The following IQSEC3 variants were observed in gnomAD, a reference collection of about 807,000 sequenced individuals.
IQSEC3 encodes the protein IQ motif and Sec7 domain ArfGEF 3, also known as IQ motif and SEC7 domain-containing protein 3.
Under a neutral mutation model 105.4 loss-of-function variants are expected in IQSEC3, and 50 were observed. That is an observed-to-expected ratio of 0.47 (90% CI 0.38 to 0.60). IQSEC3 has a LOEUF of 0.60. Ranked by LOEUF, IQSEC3 falls within the 20% of genes least tolerant of loss-of-function variation. The pLI, the probability that IQSEC3 is intolerant of heterozygous loss-of-function variation, is 0.00. For missense variants in IQSEC3, 1,415 were observed against 1,630.0 expected, an observed-to-expected ratio of 0.87 and a Z score of 2.27; for synonymous variants, 708 against 746.0, an observed-to-expected ratio of 0.95 and a Z score of 0.83.
At chr12:162,612 CAG>C (rs1195690939) in intron 8 of IQSEC3, among the ~76,000 whole-genome samples, 1 of 152,174 alleles carries the variant, frequency 6.6e-6, no homozygotes, top group African/African-American at 2.4e-5. Flanking sequence ...ATTCTTGCCT[CAG>C]GGGACGGTGT....
At position 170,521 on chromosome 12, in the gene IQSEC3, G is replaced by A. The variant is rs1219482407; in HGVS notation, c.3065-591G>A. On this transcript the variant is annotated intron_variant, in intron 12 of 13. Transcript: ENST00000538872. Reference sequence around the variant, plus strand: ...GGAAATGAGAGGGGCTCCTGCGGGGGTCGGGGTGGAAGCTGGGAGTGACTC... The same window carrying A: ...GGAAATGAGAGGGGCTCCTGCGGGGATCGGGGTGGAAGCTGGGAGTGACTC... Among the ~76,000 whole-genome samples, 4 of 152,352 alleles carry A rather than the reference G, an allele frequency of 2.6e-5. No individual in the cohort carries two copies. In the East Asian group the frequency reaches 7.7e-4, roughly 29 times the overall value.
intron 6 of IQSEC3, 32 bp from the exon 7 acceptor site, chr12:157,496 C>T (rs1555094743): frequency 1.3e-6 from 2 of 1,592,218 alleles, no homozygotes; most frequent in Non-Finnish European, 1.7e-6. Flanking sequence ...GGCGGGGGCT[C>T]AGCGTCCGCT....
chr12:80,263 C>T (rs1181900773), intron 1 of IQSEC3, among the ~76,000 whole-genome samples: 1 of 152,176 alleles, frequency 6.6e-6, no homozygotes, highest in East Asian at 1.9e-4. Flanking sequence ...CTGAAAACTC[C>T]AGCTTGGTTC....
chr12:80,547 G>A (rs1555070469), intron 1 of IQSEC3, among the ~76,000 whole-genome samples: 1 of 152,126 alleles, frequency 6.6e-6, no homozygotes, highest in Non-Finnish European at 1.5e-5. Context: ...TCTTCTTTCT[G>A]TAAGTATATA....
intron 12 of IQSEC3, 45 bp downstream of exon 12, chr12:169,150 C>T: frequency 6.5e-7 from 1 of 1,530,122 alleles, no homozygotes. Flanking sequence ...ATGGAGGCCA[C>T]TCGGGGACCC....
intron 5 of IQSEC3, among the ~76,000 whole-genome samples, chr12:150,280 C>T (rs116592053): frequency 2.2e-4 from 33 of 152,122 alleles, no homozygotes; most frequent in Non-Finnish European, 4.4e-4. Flanking sequence ...CAAATAAACA[C>T]GTACAGATTT....
rs2137040700 is a variant in IQSEC3 at position 157,556 on chromosome 12, G to A, written c.2305G>A (p.Val769Met). 1 of 1,614,100 alleles carries A rather than the reference G, an allele frequency of 6.2e-7. No individual in the cohort carries two copies. The highest frequency in any genetic ancestry group is 2.2e-5 in the East Asian group (1 of 44,876). ...SQRYCMCNPE[V>M]VQQFHNPDTI... ...GCGCTACTGCATGTGCAACCCCGAAGTGGTTCAGCAGTTCCACAACCCCGA... is the reference window on the plus strand; with the variant it reads ...GCGCTACTGCATGTGCAACCCCGAAATGGTTCAGCAGTTCCACAACCCCGA... The change falls in exon 7 of 14, where the codon GTG becomes ATG. Residue 769 changes from valine to methionine, a missense_variant. By Grantham distance (21) the Val-to-Met change is conservative. Coordinates refer to ENST00000538872, the MANE Select transcript of IQSEC3 (RefSeq NM_001170738.2).
intron 5 of IQSEC3, among the ~76,000 whole-genome samples, chr12:154,712 T>TCTTCCTCTTCCCCTCCTGTCC (rs1348090858): frequency 2.6e-5 from 4 of 152,106 alleles, no homozygotes; most frequent in African/African-American, 9.7e-5. Flanking sequence ...TTCTTCTGTC[T>TCTTCCTCTTCCCCTCCTGTCC]CTTCCTCTTC....
At chr12:141,766 ATAC>A (rs1391416794) in intron 5 of IQSEC3, 1 of 157,634 alleles carries the variant, frequency 6.3e-6, no homozygotes, top group Admixed American at 6.5e-5. Context: ...GAGCAAGAAA[ATAC>A]TACAATTCCA....
intron 9 of IQSEC3, chr12:165,200 C>T (rs1329605026): frequency 1.6e-5 from 9 of 561,158 alleles, no homozygotes; most frequent in African/African-American, 1.5e-4. Context: ...TACAGGCCAG[C>T]TCAGGCGCCG....
chr12:97,739 A>G (rs1408517788), intron 1 of IQSEC3, among the ~76,000 whole-genome samples: 2 of 152,220 alleles, frequency 1.3e-5, no homozygotes. Flanking sequence ...CCAAGGTTAC[A>G]GTGAGCTATG....
chr12:117,221 G>A (rs1865077094), intron 2 of IQSEC3, among the ~76,000 whole-genome samples: 1 of 152,148 alleles, frequency 6.6e-6, no homozygotes, highest in South Asian at 2.1e-4. Flanking sequence ...CGTGAAAGGT[G>A]AGAAAACCAA....
intron 11 of IQSEC3, 148 bp downstream of exon 11, chr12:166,038 A>G: frequency 1.2e-6 from 1 of 800,408 alleles, no homozygotes; most frequent in Non-Finnish European, 1.9e-6. Context: ...ACACTCCCAC[A>G]GCCCGGGTGG....
chr12:75,128 G>A (rs1863467875), intron 1 of IQSEC3, among the ~76,000 whole-genome samples: 1 of 152,274 alleles, frequency 6.6e-6, no homozygotes, highest in Admixed American at 6.5e-5. Context: ...TAGGAAGGGG[G>A]ACAAATCAAC....
chr12:66,963 C>A lies in IQSEC3; in HGVS notation c.81C>A (p.Ser27Arg). The change falls in exon 1 of 14, where the codon AGC becomes AGA. Residue 27 changes from serine (S) to arginine (R), a missense_variant. Coordinates refer to ENST00000538872, the MANE Select transcript of IQSEC3 (RefSeq NM_001170738.2). ...CGGCCATCGTGCAGAACCAGCAGAGCCTCATCCACACCCAGCGAGAGCGTA... is the reference window on the plus strand; with the variant it reads ...CGGCCATCGTGCAGAACCAGCAGAGACTCATCCACACCCAGCGAGAGCGTA... ...ELTAIVQNQQ[S>R]LIHTQRERID... 1 of 1,532,374 alleles carries A rather than the reference C, an allele frequency of 6.5e-7. No homozygotes were observed. The allele number at this position is 1,532,374 out of a possible 1,614,324, so 94.9% of individuals were successfully genotyped here.
chr12:136,187 C>T (rs1025602168), intron 3 of IQSEC3, among the ~76,000 whole-genome samples: 2 of 152,184 alleles, frequency 1.3e-5, no homozygotes, highest in Non-Finnish European at 2.9e-5. Flanking sequence ...ACACATTAAT[C>T]TGCGTGAGTT....
rs1323106401 is a variant in IQSEC3, at chr12:138,536, C to T, written c.1173C>T (p.Phe391=). The change falls in exon 4 of 14, where the codon TTC becomes TTT. Residue 391 remains phenylalanine, a synonymous_variant. Coordinates refer to ENST00000538872, the MANE Select transcript of IQSEC3 (RefSeq NM_001170738.2). The surrounding 1 kb of genome is among the most constrained non-coding windows in gnomAD (Gnocchi z 7.1). ...LVRSPSLPPT[F]AGTLTELEDS... is the part of the protein sequence containing the mutation. ...GCTCGCCCTCCCTGCCGCCCACCTT[C>T]GCAGGCACCCTCACCGAGCTGGAGG... is the stretch of plus-strand genomic sequence containing the variant. 2.5e-6 allele frequency: 4 copies of T among 1,578,884 alleles called. No homozygotes were observed. The East Asian group carries it at 9.3e-5, about 37-fold the overall frequency.
chr12:101,825 CTAAGA>C (rs1450478960), intron 2 of IQSEC3, among the ~76,000 whole-genome samples: 3 of 152,280 alleles, frequency 2.0e-5, no homozygotes, highest in South Asian at 2.1e-4. Flanking sequence ...GAATTCTATG[CTAAGA>C]TAAGTTTTCC....
rs1003476027 is a variant in IQSEC3, at chr12:176,665, C to T, written c.*1632C>T. The T allele has an allele frequency of 6.6e-6, 1 of 152,242 alleles. No individual in the cohort carries two copies. Among genetic ancestry groups the T allele is most frequent in the Non-Finnish European group, 1.5e-5 (1 of 68,080 alleles). 9.4% of individuals were successfully genotyped at this position (152,242 alleles called of 1,614,324 possible). A position where few individuals can be genotyped will look rare whatever the true frequency, so the allele number is the denominator to read the frequency against. ...TCACCCAGACGTCACTGTGATATCA[C>T]CTAGTGAATCTATTTCTGGCCCTGT... On this transcript the variant is annotated 3_prime_UTR_variant, in exon 14 of 14. Coordinates refer to ENST00000538872, the MANE Select transcript of IQSEC3 (RefSeq NM_001170738.2). This position sits in a 1 kb window ranked among gnomAD's most constrained non-coding sequence, Gnocchi z 4.0.
Sources: allele counts gnomAD v4.1 joint callset (sites outside exome capture counted in the v4.1 genomes callset), GRCh38; gene constraint gnomAD v4.1.1; non-coding constraint Gnocchi (gnomAD v3.1); transcripts MANE v1.5; gene names NCBI Gene and HGNC (gene_info 2026-07-23, HGNC 2026-07-21).